Variants in MLNR observed in about 807,000 individuals in gnomAD.
MLNR encodes motilin receptor, also known as G protein-coupled receptor 38.
Under a neutral mutation model 20.0 loss-of-function variants are expected in MLNR, and 16 were observed. That is an observed-to-expected ratio of 0.80 (90% CI 0.54 to 1.22). The LOEUF (loss-of-function observed/expected upper bound fraction) is 1.22, where lower values mean the gene tolerates loss of function less well. Ranked by LOEUF, MLNR falls within the 50% of genes most tolerant of loss-of-function variation. The pLI, the probability that MLNR is intolerant of heterozygous loss-of-function variation, is 0.00. For synonymous variants in MLNR, 302 were observed against 287.2 expected, an observed-to-expected ratio of 1.05 and a Z score of -0.52; for missense variants, 630 against 592.3, an observed-to-expected ratio of 1.06 and a Z score of -0.66.
Position 49,220,648 on chromosome 13 carries a change from G to C in MLNR, c.311G>C (p.Trp104Ser). ...TACCGCCTCTGGCGCTCGCGGCCCT[G>C]GGTGTTCGGGCCGCTGCTCTGCCGC... ...DLYRLWRSRP[W>S]VFGPLLCRLS... is the part of the protein sequence containing the mutation. Residue 104 changes from tryptophan (W) to serine (S), a missense_variant, in exon 1 of 2, where the codon TGG becomes TCG. Coordinates refer to ENST00000218721, the MANE Select transcript of MLNR (RefSeq NM_001507.1). This position sits in a 1 kb window ranked among gnomAD's most constrained non-coding sequence, Gnocchi z 4.4. 2 of 1,609,754 alleles carry C rather than the reference G, an allele frequency of 1.2e-6. No homozygotes were observed. The highest frequency in any genetic ancestry group is 1.3e-5 in the African/African-American group (1 of 74,784).
Position 49,220,502 on chromosome 13 carries a change from C to A in MLNR, c.165C>A (p.Gly55=). ...GCCTGTTCGTCGTCGGGGTGAGCGG[C>A]AACGTGGTGACCGTGATGCTGATCG... is the stretch of plus-strand genomic sequence containing the variant. ...CLCLFVVGVS[G]NVVTVMLIGR... The change falls in exon 1 of 2, where the codon GGC becomes GGA. Residue 55 remains glycine, a synonymous_variant. Coordinates refer to ENST00000218721, the MANE Select transcript of MLNR (RefSeq NM_001507.1). The surrounding 1 kb of genome is among the most constrained non-coding windows in gnomAD (Gnocchi z 4.4). 6.2e-7 allele frequency: 1 copy of A among 1,600,476 alleles called. No individual in the cohort carries two copies. The highest frequency in any genetic ancestry group is 1.3e-5 in the African/African-American group (1 of 74,510).
Position 49,220,405 on chromosome 13 carries a change from C to A in MLNR, c.68C>A (p.Pro23Gln). ...CGGGAGCCGCCGTGGCCCGCGCTGC[C>A]GCCTTGCGACGAGCGCCGCTGCTCG... ...GAREPPWPAL[P>Q]PCDERRCSPF... The change falls in exon 1 of 2, where the codon CCG becomes CAG. Residue 23 changes from proline (P) to glutamine (Q), a missense_variant. By Grantham distance (76) the Pro-to-Gln change is moderately conservative. Coordinates refer to ENST00000218721, the MANE Select transcript of MLNR (RefSeq NM_001507.1). This position sits in a 1 kb window ranked among gnomAD's most constrained non-coding sequence, Gnocchi z 4.4. 6.6e-7 allele frequency: 1 copy of A among 1,515,902 alleles called. No homozygotes were observed. The allele number at this position is 1,515,902 out of a possible 1,614,324, so 93.9% of individuals were successfully genotyped here. A position where few individuals can be genotyped will look rare whatever the true frequency, so the allele number is the denominator to read the frequency against.
chr13:49,221,962 ATGG>A, intron 1 of MLNR, 75 bp from the exon 2 acceptor site: 1 of 1,294,422 alleles, frequency 7.7e-7, no homozygotes, highest in Middle Eastern at 1.9e-4. Context: ...GTTATTGCAG[ATGG>A]TTCCTTGTCG....
chr13:49,221,325 C>T, intron 1 of MLNR, 87 bp downstream of exon 1: 2 of 1,376,168 alleles, frequency 1.5e-6, no homozygotes, highest in Non-Finnish European at 2.0e-6. Flanking sequence ...CCTTCCCCTG[C>T]TCGCCCAGCT....
chr13:49,221,376 G>C (rs1298043693), intron 1 of MLNR, 138 bp downstream of exon 1: 1 of 869,932 alleles, frequency 1.1e-6, no homozygotes, highest in South Asian at 1.6e-5. Flanking sequence ...TTCGATTCCA[G>C]CCTCCACCCG....
At position 49,220,551 on chromosome 13, in the gene MLNR, A is replaced by G; in HGVS notation, c.214A>G (p.Thr72Ala). The change falls in exon 1 of 2, where the codon ACC becomes GCC. Residue 72 changes from threonine (T) to alanine (A), a missense_variant. Coordinates refer to ENST00000218721, the MANE Select transcript of MLNR (RefSeq NM_001507.1). This position sits in a 1 kb window ranked among gnomAD's most constrained non-coding sequence, Gnocchi z 4.4. ...CGGGCGCTACCGGGACATGCGGACC[A>G]CCACCAACTTGTACCTGGGCAGCAT... The part of the protein sequence containing the change: ...LIGRYRDMRT[T>A]TNLYLGSMAV... 6.2e-7 allele frequency: 1 copy of G among 1,613,014 alleles called. No homozygotes were observed. Among genetic ancestry groups the G allele is most frequent in the African/African-American group, 1.3e-5 (1 of 74,958 alleles).
In MLNR at chr13:49,221,225, C is replaced by G; in HGVS notation, c.888C>G (p.Thr296=). 1.3e-6 allele frequency: 2 copies of G among 1,578,012 alleles called. No homozygotes were observed. Among genetic ancestry groups the G allele is most frequent in the Non-Finnish European group, 1.7e-6 (2 of 1,170,368 alleles). The change falls in exon 1 of 2, where the codon ACC becomes ACG. Residue 296 remains threonine, a synonymous_variant. Transcript: ENST00000218721. The part of the protein sequence containing the change: ...ASGRERGHRQ[T]VRVLLVVVLA... ...GGCGGGAGAGAGGCCACCGGCAGACCGTCCGCGTCCTGCGTAAGTGGAGCC... is the reference window on the plus strand; with the variant it reads ...GGCGGGAGAGAGGCCACCGGCAGACGGTCCGCGTCCTGCGTAAGTGGAGCC...
Position 49,220,416 on chromosome 13 carries a change from G to A in MLNR, c.79G>A (p.Glu27Lys), listed in dbSNP as rs1035460490. The A allele has an allele frequency of 2.0e-6, 3 of 1,528,294 alleles. No homozygotes were observed. Among genetic ancestry groups the A allele is most frequent in the Non-Finnish European group, 2.6e-6 (3 of 1,142,810 alleles). 94.7% of individuals were successfully genotyped at this position (1,528,294 alleles called of 1,614,324 possible). Residue 27 changes from glutamate to lysine, a missense_variant, in exon 1 of 2, where the codon GAG becomes AAG. Transcript: ENST00000218721. This position sits in a 1 kb window ranked among gnomAD's most constrained non-coding sequence, Gnocchi z 4.4. ...PPWPALPPCD[E>K]RRCSPFPLGA... ...GTGGCCCGCGCTGCCGCCTTGCGAC[G>A]AGCGCCGCTGCTCGCCCTTTCCCCT...
At position 49,220,800 on chromosome 13, in the gene MLNR, G is replaced by A. The variant is rs1461465480; in HGVS notation, c.463G>A (p.Val155Ile). 2.6e-6 allele frequency: 4 copies of A among 1,568,138 alleles called. No individual in the cohort carries two copies. Among genetic ancestry groups the A allele is most frequent in the Admixed American group, 1.9e-5 (1 of 53,920 alleles). Residue 155 changes from valine to isoleucine, a missense_variant, in exon 1 of 2, where the codon GTC becomes ATC. Coordinates refer to ENST00000218721, the MANE Select transcript of MLNR (RefSeq NM_001507.1). The surrounding 1 kb of genome is among the most constrained non-coding windows in gnomAD (Gnocchi z 4.4). The stretch of plus-strand genomic sequence containing the variant: ...CCGCGTCTTGGTCACCCGGCGCCGC[G>A]TCCGCGCGCTCATCGCTGTGCTCTG... ...RARVLVTRRR[V>I]RALIAVLWAV...
At position 49,220,828 on chromosome 13, in the gene MLNR, C is replaced by A. The variant is rs1442976414; in HGVS notation, c.491C>A (p.Ala164Asp). The change falls in exon 1 of 2, where the codon GCC (alanine) becomes GAC (aspartate). Residue 164 changes from alanine (A) to aspartate (D), a missense_variant. Ala to Asp is a moderately radical substitution (Grantham distance 126). Transcript: ENST00000218721. The surrounding 1 kb of genome is among the most constrained non-coding windows in gnomAD (Gnocchi z 4.4). ...CGCGCGCTCATCGCTGTGCTCTGGGCCGTGGCGCTGCTCTCTGCCGGTCCC... is the reference window on the plus strand; with the variant it reads ...CGCGCGCTCATCGCTGTGCTCTGGGACGTGGCGCTGCTCTCTGCCGGTCCC... The part of the protein sequence containing the change: ...RVRALIAVLW[A>D]VALLSAGPFL... The A allele has an allele frequency of 6.4e-7, 1 of 1,569,966 alleles. No individual in the cohort carries two copies. Among genetic ancestry groups the A allele is most frequent in the South Asian group, 1.2e-5 (1 of 85,162 alleles).
Position 49,220,444 on chromosome 13 carries a change from G to C in MLNR, c.107G>C (p.Gly36Ala). 1 of 1,550,872 alleles carries C rather than the reference G, an allele frequency of 6.4e-7. No individual in the cohort carries two copies. Among genetic ancestry groups the C allele is most frequent in the Non-Finnish European group, 8.7e-7 (1 of 1,152,176 alleles). ...CGCCGCTGCTCGCCCTTTCCCCTGG[G>C]GGCGCTGGTGCCGGTGACCGCTGTG... ...DERRCSPFPL[G>A]ALVPVTAVCL... is the part of the protein sequence containing the mutation. Residue 36 changes from glycine to alanine, a missense_variant, in exon 1 of 2, where the codon GGG becomes GCG. Gly to Ala is a moderately conservative substitution (Grantham distance 60). Coordinates refer to ENST00000218721, the MANE Select transcript of MLNR (RefSeq NM_001507.1). The surrounding 1 kb of genome is among the most constrained non-coding windows in gnomAD (Gnocchi z 4.4).
chr13:49,221,394 T>G, intron 1 of MLNR, 156 bp downstream of exon 1: 1 of 781,890 alleles, frequency 1.3e-6, no homozygotes, highest in Non-Finnish European at 2.0e-6. Context: ...CCGCCGGTAC[T>G]TCCCATCCCC....
chr13:49,221,026 T>C lies in MLNR; in HGVS notation c.689T>C (p.Leu230Pro). The C allele has an allele frequency of 1.3e-6, 2 of 1,554,930 alleles. No homozygotes were observed. Among genetic ancestry groups the C allele is most frequent in the Non-Finnish European group, 1.7e-6 (2 of 1,162,216 alleles). The change falls in exon 1 of 2, where the codon CTG becomes CCG. Residue 230 changes from leucine (L) to proline (P), a missense_variant. Transcript: ENST00000218721. ...CCCGAGACCGCGGAGGCCGCGGCGCTGTTCAGCCGCGAATGCCGGCCGAGC... is the reference window on the plus strand; with the variant it reads ...CCCGAGACCGCGGAGGCCGCGGCGCCGTTCAGCCGCGAATGCCGGCCGAGC... ...SGPETAEAAALFSRECRPSPA... is the reference protein window; with the variant it reads ...SGPETAEAAAPFSRECRPSPA...
At position 49,222,296 on chromosome 13, in the gene MLNR, T is replaced by G; in HGVS notation, c.1158T>G (p.Thr386=). 6.2e-7 allele frequency: 1 copy of G among 1,613,250 alleles called. No homozygotes were observed. ...RPRGFHRSRD[T]AGEVAGDTGG... is the part of the protein sequence containing the mutation. ...GAGGCTTCCACAGAAGCAGGGACAC[T>G]GCGGGGGAAGTTGCAGGGGACACTG... Residue 386 remains threonine (T), a synonymous_variant, in exon 2 of 2, where the codon ACT becomes ACG. Coordinates refer to ENST00000218721, the MANE Select transcript of MLNR (RefSeq NM_001507.1).
At position 49,220,476 on chromosome 13, in the gene MLNR, T is replaced by C; in HGVS notation, c.139T>C (p.Cys47Arg). Residue 47 changes from cysteine to arginine, a missense_variant, in exon 1 of 2, where the codon TGC becomes CGC. Transcript: ENST00000218721. The surrounding 1 kb of genome is among the most constrained non-coding windows in gnomAD (Gnocchi z 4.4). ...GGTGCCGGTGACCGCTGTGTGCCTG[T>C]GCCTGTTCGTCGTCGGGGTGAGCGG... ...ALVPVTAVCL[C>R]LFVVGVSGNV... is the part of the protein sequence containing the mutation. 1.3e-6 allele frequency: 2 copies of C among 1,583,274 alleles called. No homozygotes were observed. The highest frequency in any genetic ancestry group is 1.7e-6 in the Non-Finnish European group (2 of 1,166,360).
At chr13:49,221,518 C>A in intron 1 of MLNR, 1 of 514,068 alleles carries the variant, frequency 1.9e-6, no homozygotes, top group Non-Finnish European at 3.4e-6. Flanking sequence ...GCCTCTGAGA[C>A]CAGAAAGGAG....
At position 49,221,044 on chromosome 13, in the gene MLNR, G is replaced by A; in HGVS notation, c.707G>A (p.Arg236Gln). Residue 236 changes from arginine (R) to glutamine (Q), a missense_variant, in exon 1 of 2, where the codon CGG becomes CAG. Transcript: ENST00000218721. ...GCGGCGCTGTTCAGCCGCGAATGCC[G>A]GCCGAGCCCCGCGCAGCTGGGCGCG... ...EAAALFSREC[R>Q]PSPAQLGALR... The A allele has an allele frequency of 1.3e-6, 2 of 1,567,134 alleles. No individual in the cohort carries two copies. The highest frequency in any genetic ancestry group is 1.7e-6 in the Non-Finnish European group (2 of 1,167,316).
Position 49,222,165 on chromosome 13 carries a change from C to T in MLNR, c.1027C>T (p.Leu343Phe), listed in dbSNP as rs1887021554. The change falls in exon 2 of 2, where the codon CTT becomes TTT. Residue 343 changes from leucine (L) to phenylalanine (F), a missense_variant. Leu to Phe is a conservative substitution (Grantham distance 22). Transcript: ENST00000218721. ...GTACTTTAACATCGTCGCTCTGCAA[C>T]TTTTCTATCTGAGCGCATCTATCAA... ...SQYFNIVALQ[L>F]FYLSASINPI... 6.2e-7 allele frequency: 1 copy of T among 1,614,156 alleles called. No individual in the cohort carries two copies. Among genetic ancestry groups the T allele is most frequent in the Non-Finnish European group, 8.5e-7 (1 of 1,180,026 alleles).
Position 49,220,699 on chromosome 13 carries a change from G to A in MLNR, c.362G>A (p.Cys121Tyr). 2 of 1,597,912 alleles carry A rather than the reference G, an allele frequency of 1.3e-6. No individual in the cohort carries two copies. Among genetic ancestry groups the A allele is most frequent in the South Asian group, 2.2e-5 (2 of 89,252 alleles). ...CRLSLYVGEG[C>Y]TYATLLHMTA... ...CTGTCCCTCTACGTGGGCGAGGGCT[G>A]CACCTACGCCACGCTGCTGCACATG... The change falls in exon 1 of 2, where the codon TGC becomes TAC. Residue 121 changes from cysteine to tyrosine, a missense_variant. By Grantham distance (194) the Cys-to-Tyr change is radical. Coordinates refer to ENST00000218721, the MANE Select transcript of MLNR (RefSeq NM_001507.1). This position sits in a 1 kb window ranked among gnomAD's most constrained non-coding sequence, Gnocchi z 4.4.
Sources: allele counts gnomAD v4.1 joint callset, GRCh38; gene constraint gnomAD v4.1.1; non-coding constraint Gnocchi (gnomAD v3.1); transcripts MANE v1.5; gene names NCBI Gene and HGNC (gene_info 2026-07-23, HGNC 2026-07-21).